LRRIQ3: variants seen among roughly 807,000 people sequenced by gnomAD.
The protein encoded by LRRIQ3 is leucine-rich repeat and IQ domain-containing protein 3.
LRRIQ3 carries 75 observed loss-of-function variants against 59.3 expected under a neutral mutation model. The ratio of observed to expected loss-of-function variants is 1.26; its 90% confidence interval spans 1.05 to 1.53. The LOEUF (loss-of-function observed/expected upper bound fraction) is 1.53. Ranked by LOEUF, LRRIQ3 falls within the 40% of genes most tolerant of loss-of-function variation. The probability of loss-of-function intolerance (pLI) is 0.00; values close to 1 mark genes in which losing one functional copy is unlikely to be tolerated. For missense variants in LRRIQ3, 831 were observed against 710.0 expected, an observed-to-expected ratio of 1.17 and a Z score of -1.94; for synonymous variants, 250 against 231.3, an observed-to-expected ratio of 1.08 and a Z score of -0.73.
intron 5 of LRRIQ3, among the ~76,000 whole-genome samples, chr1:74,100,867 T>G (rs1646519980): frequency 1.3e-5 from 2 of 152,160 alleles, no homozygotes; most frequent in South Asian, 4.1e-4. Context: ...TGTAGAAAGC[T>G]GAAACTGGAT....
At chr1:74,163,256 C>A (rs2100683749) in intron 3 of LRRIQ3, among the ~76,000 whole-genome samples, 1 of 151,444 alleles carries the variant, frequency 6.6e-6, no homozygotes, top group Middle Eastern at 3.4e-3. Context: ...TTTATTTATT[C>A]TTTTAATATT....
At chr1:74,033,051 G>A (rs963601079) in intron 7 of LRRIQ3, among the ~76,000 whole-genome samples, 1 of 151,938 alleles carries the variant, frequency 6.6e-6, no homozygotes, top group Non-Finnish European at 1.5e-5. Context: ...AGAAGGAGAG[G>A]CCATAAGTGG....
intron 3 of LRRIQ3, among the ~76,000 whole-genome samples, chr1:74,156,554 TA>T (rs1408694840): frequency 6.6e-6 from 1 of 152,190 alleles, no homozygotes; most frequent in East Asian, 1.9e-4. Flanking sequence ...AATATATGTA[TA>T]AAATTTTAAC....
intron 6 of LRRIQ3, among the ~76,000 whole-genome samples, chr1:74,056,606 T>TC (rs1325784747): frequency 6.6e-6 from 1 of 151,910 alleles, no homozygotes; most frequent in African/African-American, 2.4e-5. Context: ...AAGAATGCAA[T>TC]CCCATTTACA....
chr1:74,182,896 A>G, intron 2 of LRRIQ3, 35 bp from the exon 3 acceptor site: 1 of 1,257,586 alleles, frequency 8.0e-7, no homozygotes, highest in East Asian at 2.6e-5. Context: ...AAATTCCAAA[A>G]TTACTTTTTT....
Position 74,171,189 on chromosome 1 carries a change from T to C in LRRIQ3, c.573+11349A>G, listed in dbSNP as rs188176553. Among the ~76,000 whole-genome samples, 24 of 152,252 alleles carry C rather than the reference T, an allele frequency of 1.6e-4. No homozygotes were observed. The East Asian group carries it at 4.4e-3, about 28-fold the overall frequency. On this transcript the variant is annotated intron_variant, in intron 3 of 7. Transcript: ENST00000354431. ...GCTTTGGCTTGGACTTCCAATACTA[T>C]GTTGAATAGAGGCATCTTTACCTTG... is the stretch of plus-strand genomic sequence containing the variant.
At chr1:74,059,954 T>A (rs182831531) in intron 6 of LRRIQ3, among the ~76,000 whole-genome samples, 6 of 152,174 alleles carry the variant, frequency 3.9e-5, no homozygotes, top group African/African-American at 1.4e-4. Flanking sequence ...AATTGTATTC[T>A]TAAATTATTT....
chr1:74,180,765 A>C, intron 3 of LRRIQ3: 1 of 1,550,206 alleles, frequency 6.5e-7, no homozygotes, highest in South Asian at 1.2e-5. Context: ...ACTATGCTTC[A>C]TTTTCTCCTG....
intron 5 of LRRIQ3, among the ~76,000 whole-genome samples, chr1:74,102,059 TAAAAAA>T (rs11304358): frequency 7.2e-6 from 1 of 139,146 alleles, no homozygotes; most frequent in East Asian, 2.1e-4. Flanking sequence ...AAAGTATAAT[TAAAAAA>T]AAAAAAAGAA....
At chr1:74,135,430 C>T (rs1647105036) in intron 4 of LRRIQ3, among the ~76,000 whole-genome samples, 1 of 151,886 alleles carries the variant, frequency 6.6e-6, no homozygotes, top group Non-Finnish European at 1.5e-5. Flanking sequence ...TGGAACAATT[C>T]ACCCAATAGA....
chr1:74,133,393 C>T (rs1198383277), intron 4 of LRRIQ3, among the ~76,000 whole-genome samples: 15 of 152,100 alleles, frequency 9.9e-5, no homozygotes, highest in Admixed American at 9.8e-4. Context: ...AATCATGCTG[C>T]TATAAAGACA....
intron 4 of LRRIQ3, among the ~76,000 whole-genome samples, chr1:74,111,205 G>GA (rs199837069): frequency 8.9e-5 from 13 of 145,840 alleles, no homozygotes; most frequent in East Asian, 4.0e-4. Context: ...CCTGTGAAGA[G>GA]AAAAAAAAAA....
chr1:74,126,060 C>T (rs780978223), intron 4 of LRRIQ3, among the ~76,000 whole-genome samples: 3 of 151,724 alleles, frequency 2.0e-5, no homozygotes, highest in East Asian at 1.9e-4. Flanking sequence ...GGTTTTGGAT[C>T]GTTTCACGGT....
At chr1:74,077,971 C>T (rs1013623005) in intron 5 of LRRIQ3, among the ~76,000 whole-genome samples, 3 of 151,868 alleles carry the variant, frequency 2.0e-5, no homozygotes, top group African/African-American at 7.2e-5. Context: ...TTAGACTTAA[C>T]ACTGGTCCTC....
chr1:74,071,151 CATCT>C (rs899557207), intron 6 of LRRIQ3, among the ~76,000 whole-genome samples: 10 of 151,576 alleles, frequency 6.6e-5, no homozygotes, highest in Admixed American at 5.3e-4. Flanking sequence ...TATTGTCTAT[CATCT>C]ATCTATGTAG....
chr1:74,114,401 G>C (rs1474295456), intron 4 of LRRIQ3, among the ~76,000 whole-genome samples: 1 of 152,022 alleles, frequency 6.6e-6, no homozygotes, highest in Non-Finnish European at 1.5e-5. Context: ...CTAGACTTAA[G>C]TTAGTATAAA....
chr1:74,194,311 ACAGT>A (rs1203239813), intron 1 of LRRIQ3, among the ~76,000 whole-genome samples: 5 of 152,214 alleles, frequency 3.3e-5, no homozygotes, highest in Non-Finnish European at 7.3e-5. Context: ...GTCTAGTAGA[ACAGT>A]CAGACTAGTA....
At chr1:74,096,229 A>T (rs1646447553) in intron 5 of LRRIQ3, among the ~76,000 whole-genome samples, 1 of 152,090 alleles carries the variant, frequency 6.6e-6, no homozygotes, top group African/African-American at 2.4e-5. Flanking sequence ...CAGCCTCTGG[A>T]AAAACTCCAT....
At position 74,042,912 on chromosome 1, in the gene LRRIQ3, C is replaced by T. The variant is rs534043323; in HGVS notation, c.998-979G>A. Among the ~76,000 whole-genome samples the T allele has an allele frequency of 2.0e-5, 3 of 152,064 alleles. No homozygotes were observed. The East Asian group carries it at 5.8e-4, about 29-fold the overall frequency. On this transcript the variant is annotated intron_variant, in intron 6 of 7. Coordinates refer to ENST00000354431, the MANE Select transcript of LRRIQ3 (RefSeq NM_001105659.2). ...CTACGTAGAGATGAGAATGAAACCC[C>T]AAAAGATGGTGGAACCATAAGATAG...
Sources: gnomAD v4.1 joint callset for allele counts (sites outside exome capture counted in the v4.1 genomes callset) on GRCh38, gnomAD v4.1.1 for gene constraint, MANE v1.5 for transcripts, NCBI Gene and HGNC (gene_info 2026-07-23, HGNC 2026-07-21) for gene names.